The following TEX15 variants were observed in gnomAD, a reference collection of about 807,000 sequenced individuals.
TEX15 encodes testis-expressed protein 15.
TEX15 carries 171 observed loss-of-function variants against 237.3 expected under a neutral mutation model. The observed-to-expected ratio is 0.72, with a 90% CI of 0.64 to 0.82. The LOEUF is 0.82. TEX15 is among the 40% of genes least tolerant of loss of function. The pLI, the probability that TEX15 is intolerant of heterozygous loss-of-function variation, is 0.00. For missense variants in TEX15, 3,750 were observed against 3,646.5 expected (o/e 1.03, Z -0.73); for synonymous variants, 1,338 against 1,269.8 (o/e 1.05, Z -1.14).
chr8:30,877,382 T>C (rs994774298), intron 3 of TEX15, among the ~76,000 whole-genome samples: 22 of 152,224 alleles, frequency 1.4e-4, no homozygotes, highest in African/African-American at 5.1e-4. Flanking sequence ...GCAACTTCCA[T>C]ATAAATGAAC....
chr8:30,861,420 C>T lies in TEX15; in HGVS notation c.541-1363G>A, dbSNP rs145776350. 1.4e-4 allele frequency among the ~76,000 whole-genome samples: 21 copies of T among 152,170 alleles called. No homozygotes were observed. The South Asian group carries it at 1.5e-3, about 11-fold the overall frequency. ...AAACTAAAACCATGAACATAAATGACGGTATTTTATTACTGTTATTTTAAA... is the reference window on the plus strand; with the variant it reads ...AAACTAAAACCATGAACATAAATGATGGTATTTTATTACTGTTATTTTAAA... On this transcript the variant is annotated intron_variant, in intron 5 of 10. Coordinates refer to ENST00000643185, the MANE Select transcript of TEX15 (RefSeq NM_001350162.2).
intron 3 of TEX15, among the ~76,000 whole-genome samples, chr8:30,882,015 T>C (rs1306142740): frequency 6.6e-6 from 1 of 152,240 alleles, no homozygotes; most frequent in East Asian, 1.9e-4. Context: ...TGCTATGAAC[T>C]TCCTTGTTAG....
intron 1 of TEX15, among the ~76,000 whole-genome samples, chr8:30,907,862 C>G (rs1451781203): frequency 6.6e-6 from 1 of 150,898 alleles, no homozygotes; most frequent in African/African-American, 2.4e-5. Flanking sequence ...TGCTTGAGCC[C>G]AGGTGATCAA....
At position 30,865,846 on chromosome 8, in the gene TEX15, T is replaced by C. The variant is rs117488133; in HGVS notation, c.540+1419A>G. On this transcript the variant is annotated intron_variant, in intron 5 of 10. Coordinates refer to ENST00000643185, the MANE Select transcript of TEX15 (RefSeq NM_001350162.2). ...AACCTACAGCTAATATCATACTGAA[T>C]GGGGAAAAATTGAAAGCCTTTTTAC... Among the ~76,000 whole-genome samples the C allele has an allele frequency of 8.4e-4, 128 of 152,156 alleles. 2 individuals are homozygous for C. The East Asian group carries it at 0.023, about 28-fold the overall frequency.
In TEX15 at chr8:30,847,238, C is replaced by T. The variant is rs947869016; in HGVS notation, c.2929G>A (p.Val977Met). Residue 977 changes from valine (V) to methionine (M), a missense_variant, in exon 8 of 11, where the codon GTG becomes ATG. Coordinates refer to ENST00000643185, the MANE Select transcript of TEX15 (RefSeq NM_001350162.2). ...TTFPKTASSS[V>M]CVASNAAIQI... The stretch of plus-strand genomic sequence containing the variant: ...ATTGCAGCATTTGAGGCTACACACA[C>T]TGAAGAACTTGCAGTTTTGGGAAAT... 1.2e-6 allele frequency: 2 copies of T among 1,613,952 alleles called. No homozygotes were observed. The highest frequency in any genetic ancestry group is 1.7e-6 in the Non-Finnish European group (2 of 1,179,858).
intron 4 of TEX15, among the ~76,000 whole-genome samples, chr8:30,874,062 T>C (rs763626138): frequency 9.9e-5 from 15 of 152,182 alleles, no homozygotes; most frequent in South Asian, 2.1e-4. Flanking sequence ...TTGGAAGTCA[T>C]TGGATATACC....
chr8:30,845,265 A>G lies in TEX15; in HGVS notation c.4902T>C (p.Asp1634=). 2 of 1,613,488 alleles carry G rather than the reference A, an allele frequency of 1.2e-6. No individual in the cohort carries two copies. Among genetic ancestry groups the G allele is most frequent in the Non-Finnish European group, 1.7e-6 (2 of 1,179,534 alleles). ...TGTGACCTATGCAAGTTGCATCACA[A>G]TCGTTGCCTGTACTAGAATTTATGT... ...KENINSSTGN[D]CDATCIGHTK... is the part of the protein sequence containing the mutation. Residue 1634 remains aspartate (D), a synonymous_variant, in exon 8 of 11, where the codon GAT becomes GAC. Coordinates refer to ENST00000643185, the MANE Select transcript of TEX15 (RefSeq NM_001350162.2).
At position 30,844,070 on chromosome 8, in the gene TEX15, C is replaced by A; in HGVS notation, c.6097G>T (p.Ala2033Ser). ...GAACATTCTTGCTTTCTTTCAAAAG[C>A]TTCCACAAATAAAGGGAGAATATTT... ...CLNILPLFVEAFERKQECSVE... is the reference protein window; with the variant it reads ...CLNILPLFVESFERKQECSVE... Residue 2033 changes from alanine (A) to serine (S), a missense_variant, in exon 8 of 11, where the codon GCT becomes TCT. Coordinates refer to ENST00000643185, the MANE Select transcript of TEX15 (RefSeq NM_001350162.2). The A allele has an allele frequency of 6.2e-7, 1 of 1,611,882 alleles. No individual in the cohort carries two copies. The highest frequency in any genetic ancestry group is 8.5e-7 in the Non-Finnish European group (1 of 1,179,242).
At chr8:30,913,008 C>CA (rs1212341624), upstream of TEX15, 1 of 152,484 alleles carries the variant, frequency 6.6e-6, no homozygotes, top group East Asian at 1.9e-4. Flanking sequence ...GCACAGTGAG[C>CA]AGGCAGCTCG....
intron 2 of TEX15, among the ~76,000 whole-genome samples, chr8:30,889,459 A>G (rs1245386544): frequency 2.0e-5 from 3 of 152,184 alleles, no homozygotes; most frequent in African/African-American, 7.2e-5. Flanking sequence ...CTCAAAGAAA[A>G]AAAAATTACA....
intron 7 of TEX15, among the ~76,000 whole-genome samples, chr8:30,852,197 C>T (rs1203033956): frequency 5.4e-5 from 8 of 148,402 alleles, no homozygotes; most frequent in African/African-American, 1.2e-4. Flanking sequence ...CTCCGCCTCC[C>T]GGGTTCACGC....
intron 8 of TEX15, among the ~76,000 whole-genome samples, chr8:30,840,310 C>T (rs1159229215): frequency 6.6e-6 from 1 of 151,992 alleles, no homozygotes; most frequent in Non-Finnish European, 1.5e-5. Flanking sequence ...ATTCTCCTGC[C>T]TCAGCCTCCA....
Position 30,842,676 on chromosome 8 carries a change from A to G in TEX15, c.7491T>C (p.Phe2497=), listed in dbSNP as rs201392091. 1.5e-4 allele frequency: 249 copies of G among 1,612,714 alleles called. No homozygotes were observed. The highest frequency in any genetic ancestry group is 2.0e-4 in the Non-Finnish European group (237 of 1,179,830). ...QCQEKMASFS[F]LKDNSTDVCL... ...AAACATCTGTTGAGTTATCTTTAAG[A>G]AATGAAAAAGAAGCCATTTTTTCTT... Residue 2497 remains phenylalanine (F), a synonymous_variant, in exon 8 of 11, where the codon TTT becomes TTC. Coordinates refer to ENST00000643185, the MANE Select transcript of TEX15 (RefSeq NM_001350162.2).
intron 2 of TEX15, among the ~76,000 whole-genome samples, chr8:30,889,952 T>C (rs62508292): frequency 0.094 from 12,446 of 131,898 alleles, 827 homozygotes; most frequent in Non-Finnish European, 0.12. Context: ...TATATATATA[T>C]ACATATATAT....
At chr8:30,904,371 C>CA (rs1286809070) in intron 1 of TEX15, among the ~76,000 whole-genome samples, 1 of 150,740 alleles carries the variant, frequency 6.6e-6, no homozygotes, top group East Asian at 2.0e-4. Flanking sequence ...TGCTTGAATC[C>CA]AGGAGATGGA....
At chr8:30,880,093 A>C (rs1808486771) in intron 3 of TEX15, among the ~76,000 whole-genome samples, 1 of 152,074 alleles carries the variant, frequency 6.6e-6, no homozygotes, top group African/African-American at 2.4e-5. Flanking sequence ...CAGTGGCGTG[A>C]GCTCAGCTCA....
intron 5 of TEX15, among the ~76,000 whole-genome samples, chr8:30,861,377 A>G (rs186829413): frequency 6.6e-6 from 1 of 152,330 alleles, no homozygotes; most frequent in Admixed American, 6.5e-5. Flanking sequence ...TTCTGCCCAT[A>G]AACAACAAAT....
rs1458720129 is a variant in TEX15, at chr8:30,845,579, G to A, written c.4588C>T (p.Gln1530Ter). 3.7e-6 allele frequency: 6 copies of A among 1,613,460 alleles called. No individual in the cohort carries two copies. In the African/African-American group the frequency reaches 4.0e-5, roughly 11 times the overall value. ...ACACTGCTATTATAATAAACTGACT[G>A]ACTTGTACTTTGGGATGTGGAGGAT... ...PVSSTSQSTS[Q>*]SVYYNSSVSN... is the part of the protein sequence containing the mutation. Residue 1530 changes from glutamine (Q) to a stop codon, truncating the protein, a stop_gained, in exon 8 of 11, where the codon CAG becomes TAG. Coordinates refer to ENST00000643185, the MANE Select transcript of TEX15 (RefSeq NM_001350162.2). LOFTEE classifies it high-confidence loss of function.
intron 5 of TEX15, among the ~76,000 whole-genome samples, chr8:30,862,334 T>C (rs1808068299): frequency 6.6e-6 from 1 of 152,174 alleles, no homozygotes; most frequent in African/African-American, 2.4e-5. Flanking sequence ...TGTAATATTA[T>C]GCAGCTGCTC....
Sources: allele counts gnomAD v4.1 joint callset (sites outside exome capture counted in the v4.1 genomes callset), GRCh38; gene constraint gnomAD v4.1.1; transcripts MANE v1.5; gene names NCBI Gene and HGNC (gene_info 2026-07-23, HGNC 2026-07-21).